The following GABRA3 variants were observed in gnomAD, a reference collection of about 807,000 sequenced individuals.
GABRA3 encodes gamma-aminobutyric acid type A receptor subunit alpha3.
Under a neutral mutation model 30.1 loss-of-function variants are expected in GABRA3, and 10 were observed. The ratio of observed to expected loss-of-function variants is 0.33; its 90% CI spans 0.20 to 0.56. The LOEUF is 0.56. Ranked by LOEUF, GABRA3 falls within the 20% of genes least tolerant of loss-of-function variation. The pLI is 0.89. For missense variants in GABRA3, 233 were observed against 392.0 expected (o/e 0.59, Z 3.42); for synonymous variants, 151 against 146.8 (o/e 1.03, Z -0.21).
intron 1 of GABRA3, among the ~76,000 whole-genome samples, chrX:152,419,420 G>T (rs1166533230): frequency 9.0e-6 from 1 of 111,640 alleles, no homozygotes; most frequent in Non-Finnish European, 1.9e-5. Flanking sequence ...GTTAGGAATG[G>T]AAAGGAGGGC....
intron 2 of GABRA3, among the ~76,000 whole-genome samples, chrX:152,351,972 T>C (rs1441747418): frequency 2.7e-5 from 3 of 111,379 alleles, no homozygotes; most frequent in Non-Finnish European, 5.7e-5. Flanking sequence ...TATTTACCGA[T>C]TAAGTCCACT....
At chrX:152,173,318 G>A (rs1443477735) in intron 9 of GABRA3, among the ~76,000 whole-genome samples, 1 of 110,766 alleles carries the variant, frequency 9.0e-6, no homozygotes, top group Non-Finnish European at 1.9e-5. Flanking sequence ...AAGAATGGAT[G>A]AGATTAGATA....
At chrX:152,384,173 T>C (rs987867426) in intron 1 of GABRA3, among the ~76,000 whole-genome samples, 1 of 110,937 alleles carries the variant, frequency 9.0e-6, no homozygotes, top group African/African-American at 3.3e-5. Context: ...GCCAAGTAGG[T>C]AAAAGACCTG....
intron 1 of GABRA3, among the ~76,000 whole-genome samples, chrX:152,372,687 T>C (rs1928872855): frequency 8.9e-6 from 1 of 112,056 alleles, no homozygotes; most frequent in South Asian, 3.7e-4. Flanking sequence ...CTCAGAGGTA[T>C]AATCTCAAGA....
intron 1 of GABRA3, among the ~76,000 whole-genome samples, chrX:152,435,671 C>T (rs1930761931): frequency 9.0e-6 from 1 of 110,732 alleles, no homozygotes; most frequent in Admixed American, 9.6e-5. Context: ...ATGCAGCAAA[C>T]TTCATGGCAC....
chrX:152,234,748 T>G (rs1938163077), intron 5 of GABRA3, among the ~76,000 whole-genome samples: 1 of 111,729 alleles, frequency 9.0e-6, no homozygotes, highest in Non-Finnish European at 1.9e-5. Context: ...CAGTGTATGT[T>G]TCCGTTGATT....
At chrX:152,426,243 T>C (rs2124541789) in intron 1 of GABRA3, among the ~76,000 whole-genome samples, 1 of 111,481 alleles carries the variant, frequency 9.0e-6, no homozygotes, top group African/African-American at 3.3e-5. Flanking sequence ...ACCTTGGACT[T>C]CCTCATATGC....
chrX:152,392,203 G>C (rs769200386), intron 1 of GABRA3: 1 of 385,073 alleles, frequency 2.6e-6, no homozygotes, highest in Non-Finnish European at 5.2e-6. Flanking sequence ...AGAAGCAGAC[G>C]GCAATGTAGC....
chrX:152,215,412 C>T (rs1030765834), intron 6 of GABRA3, among the ~76,000 whole-genome samples: 20 of 110,742 alleles, frequency 1.8e-4, no homozygotes, highest in East Asian at 5.7e-4. Context: ...TTGAAATGAC[C>T]GTGTTTTTTG....
chrX:152,308,545 G>A (rs1939754004), intron 3 of GABRA3, among the ~76,000 whole-genome samples: 1 of 112,051 alleles, frequency 8.9e-6, no homozygotes, highest in South Asian at 3.7e-4. Flanking sequence ...CTAAGCCTTG[G>A]CTACCTGAAA....
At chrX:152,288,012 T>C (rs189873219) in intron 3 of GABRA3, among the ~76,000 whole-genome samples, 20 of 111,597 alleles carry the variant, frequency 1.8e-4, no homozygotes, top group Non-Finnish European at 3.2e-4. Flanking sequence ...TCAATGAAAG[T>C]GAACAGGTTA....
At chrX:152,199,053 G>A (rs1287057320) in intron 7 of GABRA3, among the ~76,000 whole-genome samples, 1 of 111,661 alleles carries the variant, frequency 9.0e-6, no homozygotes, top group Non-Finnish European at 1.9e-5. Context: ...GACACACAGG[G>A]AGAAGGATAC....
At chrX:152,227,774 C>T (rs1484944018) in intron 5 of GABRA3, among the ~76,000 whole-genome samples, 1 of 109,633 alleles carries the variant, frequency 9.1e-6, no homozygotes, top group African/African-American at 3.3e-5. Flanking sequence ...ATCTTTATTT[C>T]AAAAATAAGA....
chrX:152,410,192 G>C (rs1930034405), intron 1 of GABRA3, among the ~76,000 whole-genome samples: 1 of 111,716 alleles, frequency 9.0e-6, no homozygotes. Context: ...CCAACATAAA[G>C]AGTAGAATGA....
intron 1 of GABRA3, among the ~76,000 whole-genome samples, chrX:152,383,706 A>C (rs1034802805): frequency 3.9e-4 from 42 of 108,469 alleles, no homozygotes; most frequent in Non-Finnish European, 6.5e-4. Context: ...AAAAAAAAAA[A>C]CCCTCGATAA....
At chrX:152,181,426 TTTTTCTTTTC>T (rs756224969) in intron 9 of GABRA3, among the ~76,000 whole-genome samples, 4 of 111,809 alleles carry the variant, frequency 3.6e-5, no homozygotes, top group East Asian at 2.8e-4. Context: ...TCTAACAGCT[TTTTTCTTTTC>T]TTTTCTTTTC....
At chrX:152,217,339 C>T (rs1036955615) in intron 6 of GABRA3, among the ~76,000 whole-genome samples, 1 of 111,221 alleles carries the variant, frequency 9.0e-6, no homozygotes, top group Non-Finnish European at 1.9e-5. Context: ...TGCTTGAATC[C>T]GTTGCTAGAG....
chrX:152,315,758 C>G (rs946849499), intron 3 of GABRA3, among the ~76,000 whole-genome samples: 4 of 110,328 alleles, frequency 3.6e-5, no homozygotes, highest in East Asian at 2.9e-4. Flanking sequence ...CTGCATGATA[C>G]AGCAGAGGCA....
intron 1 of GABRA3, among the ~76,000 whole-genome samples, chrX:152,417,857 A>T (rs1930271636): frequency 1.2e-5 from 1 of 85,039 alleles, no homozygotes; most frequent in Admixed American, 1.5e-4. Context: ...GGGGAATATC[A>T]CACTCCAGGG....
Sources: gnomAD v4.1 joint callset for allele counts (sites outside exome capture counted in the v4.1 genomes callset) on GRCh38, gnomAD v4.1.1 for gene constraint, MANE v1.5 for transcripts, NCBI Gene and HGNC (gene_info 2026-07-23, HGNC 2026-07-21) for gene names.